The following BRINP3 variants were observed in gnomAD, a reference collection of about 807,000 sequenced individuals.
BRINP3 encodes the protein BMP/retinoic acid inducible neural specific 3, also known as BMP/retinoic acid-inducible neural-specific protein 3.
Under a neutral mutation model 71.0 loss-of-function variants are expected in BRINP3, and 19 were observed. The ratio of observed to expected loss-of-function variants is 0.27; its 90% CI spans 0.19 to 0.39. The LOEUF (loss-of-function observed/expected upper bound fraction) is 0.39. BRINP3 is among the 10% of genes least tolerant of loss of function. The pLI is 1.00. For missense variants in BRINP3, 959 were observed against 940.8 expected (o/e 1.02, Z -0.25); for synonymous variants, 380 against 337.7 (o/e 1.13, Z -1.37).
chr1:190,162,598 A>G (rs191956724), intron 6 of BRINP3, among the ~76,000 whole-genome samples: 92 of 152,172 alleles, frequency 6.0e-4, no homozygotes, highest in Admixed American at 9.8e-4. Flanking sequence ...AAAACTAATT[A>G]CTCATTTCAT....
intron 2 of BRINP3, among the ~76,000 whole-genome samples, chr1:190,326,911 C>T (rs1659785930): frequency 6.6e-6 from 1 of 151,680 alleles, no homozygotes; most frequent in Non-Finnish European, 1.5e-5. Flanking sequence ...ACGAAACAAC[C>T]AGCTAAGAAC....
intron 2 of BRINP3, among the ~76,000 whole-genome samples, chr1:190,383,003 A>G (rs1670647393): frequency 6.6e-6 from 1 of 152,106 alleles, no homozygotes; most frequent in African/African-American, 2.4e-5. Context: ...TAGATACAGT[A>G]TTGATTTGTG....
chr1:190,098,594 G>A lies in BRINP3; in HGVS notation c.1725C>T (p.Pro575=). 1.9e-6 allele frequency: 3 copies of A among 1,614,156 alleles called. No individual in the cohort carries two copies. The highest frequency in any genetic ancestry group is 1.7e-5 in the Admixed American group (1 of 60,018). Residue 575 remains proline, a synonymous_variant, in exon 8 of 8, where the codon CCC becomes CCT. Coordinates refer to ENST00000367462, the MANE Select transcript of BRINP3 (RefSeq NM_199051.3). ...AGCTCTCAGAGTGGCTGCCTCCGAAGGGATTGACATAAACAGCCAACACTG... is the reference window on the plus strand; with the variant it reads ...AGCTCTCAGAGTGGCTGCCTCCGAAAGGATTGACATAAACAGCCAACACTG... ...LEPVLAVYVN[P]FGGSHSESWF... is the part of the protein sequence containing the mutation.
At chr1:190,310,303 A>C (rs1199863833) in intron 2 of BRINP3, among the ~76,000 whole-genome samples, 3 of 151,798 alleles carry the variant, frequency 2.0e-5, no homozygotes, top group Non-Finnish European at 4.4e-5. Flanking sequence ...AACAGCTCAT[A>C]TTCATGTTTA....
chr1:190,162,019 T>A (rs1311610555), intron 6 of BRINP3, among the ~76,000 whole-genome samples: 2 of 151,992 alleles, frequency 1.3e-5, no homozygotes, highest in African/African-American at 2.4e-5. Context: ...AAGTACAGAG[T>A]TCTGGCATCT....
At chr1:190,263,507 C>T (rs920906743) in intron 4 of BRINP3, among the ~76,000 whole-genome samples, 4 of 151,912 alleles carry the variant, frequency 2.6e-5, no homozygotes, top group South Asian at 2.1e-4. Context: ...CAGTACATCC[C>T]GAACAAAAAG....
At chr1:190,322,587 A>G (rs1666316949) in intron 2 of BRINP3, among the ~76,000 whole-genome samples, 1 of 152,008 alleles carries the variant, frequency 6.6e-6, no homozygotes. Context: ...AAGACATTGC[A>G]AAGGCCGTGA....
intron 3 of BRINP3, 108 bp downstream of exon 3, chr1:190,281,452 C>A: frequency 9.7e-7 from 1 of 1,035,272 alleles, no homozygotes; most frequent in East Asian, 2.4e-5. Context: ...TGAATGAGTT[C>A]TATAACTATT....
chr1:190,197,863 A>G (rs775174475), intron 6 of BRINP3, among the ~76,000 whole-genome samples: 4 of 152,152 alleles, frequency 2.6e-5, no homozygotes, highest in Non-Finnish European at 5.9e-5. Context: ...GCAGTTTTCC[A>G]GTAGGGACTC....
At chr1:190,160,245 A>C (rs1657231109) in intron 7 of BRINP3, among the ~76,000 whole-genome samples, 1 of 152,054 alleles carries the variant, frequency 6.6e-6, no homozygotes, top group Non-Finnish European at 1.5e-5. Context: ...GTGGTTTTCT[A>C]TACACTGGTT....
intron 2 of BRINP3, among the ~76,000 whole-genome samples, chr1:190,429,259 A>G (rs567802746): frequency 5.9e-5 from 9 of 152,158 alleles, no homozygotes; most frequent in African/African-American, 2.2e-4. Context: ...CATATGTGCA[A>G]AGATACTCAT....
intron 6 of BRINP3, among the ~76,000 whole-genome samples, chr1:190,219,112 C>A (rs1245123532): frequency 1.3e-5 from 2 of 151,898 alleles, no homozygotes; most frequent in Admixed American, 6.6e-5. Context: ...TAAAGAATCA[C>A]GGAGCAAGCA....
chr1:190,372,298 C>T (rs1669919395), intron 2 of BRINP3, among the ~76,000 whole-genome samples: 1 of 152,248 alleles, frequency 6.6e-6, no homozygotes, highest in South Asian at 2.1e-4. Context: ...GGGTGGATAC[C>T]TCACTGATAC....
At chr1:190,374,018 G>A in intron 2 of BRINP3, among the ~76,000 whole-genome samples, 1 of 151,326 alleles carries the variant, frequency 6.6e-6, no homozygotes, top group East Asian at 2.0e-4. Context: ...GTACACTTAG[G>A]GGCATGGTCT....
At chr1:190,442,815 T>C (rs1337643158) in intron 2 of BRINP3, among the ~76,000 whole-genome samples, 1 of 151,404 alleles carries the variant, frequency 6.6e-6, no homozygotes, top group Non-Finnish European at 1.5e-5. Context: ...TGTGTGTGTG[T>C]GTGTGTGTGT....
chr1:190,405,009 T>TA (rs1173473434), intron 2 of BRINP3, among the ~76,000 whole-genome samples: 1 of 152,008 alleles, frequency 6.6e-6, no homozygotes, highest in Non-Finnish European at 1.5e-5. Flanking sequence ...CCAAATATAT[T>TA]AAAAAATGAA....
intron 2 of BRINP3, among the ~76,000 whole-genome samples, chr1:190,331,769 CATACTT>C (rs768068272): frequency 1.2e-4 from 14 of 114,314 alleles, no homozygotes; most frequent in African/African-American, 2.2e-4. Flanking sequence ...AGAATTAACT[CATACTT>C]ATATTTGAAT....
chr1:190,121,940 G>A (rs1182916985), intron 7 of BRINP3, among the ~76,000 whole-genome samples: 2 of 152,198 alleles, frequency 1.3e-5, no homozygotes, highest in African/African-American at 4.8e-5. Context: ...TAAATGAACT[G>A]AGGCTTGTAG....
chr1:190,194,685 T>A (rs894934836), intron 6 of BRINP3, among the ~76,000 whole-genome samples: 12 of 152,122 alleles, frequency 7.9e-5, no homozygotes, highest in African/African-American at 2.7e-4. Flanking sequence ...ATAAGCCACT[T>A]GAGCACCTGT....
Sources: allele counts gnomAD v4.1 joint callset (sites outside exome capture counted in the v4.1 genomes callset), GRCh38; gene constraint gnomAD v4.1.1; transcripts MANE v1.5; gene names NCBI Gene and HGNC (gene_info 2026-07-23, HGNC 2026-07-21).